Variants in LRGUK observed in about 807,000 individuals in gnomAD.
LRGUK encodes the protein leucine rich repeats and guanylate kinase domain containing.
A neutral mutation model predicts 76.0 loss-of-function variants in LRGUK; 65 were observed. That is an observed-to-expected ratio of 0.85 (90% confidence interval 0.70 to 1.05). The LOEUF (loss-of-function observed/expected upper bound fraction) is 1.05. Ranked by LOEUF, LRGUK falls within the 50% of genes least tolerant of loss-of-function variation. The pLI, the probability that LRGUK is intolerant of heterozygous loss-of-function variation, is 0.00. For missense variants in LRGUK, 758 were observed against 732.8 expected (o/e 1.03, Z -0.40); for synonymous variants, 268 against 265.6 (o/e 1.01, Z -0.09).
chr7:134,274,870 T>A, the LRGUK span, among the ~76,000 whole-genome samples: 12 of 152,164 alleles, frequency 7.9e-5, no homozygotes, highest in Non-Finnish European at 1.8e-4. Flanking sequence ...GGTCTCACTC[T>A]TGATCTTCTT....
At chr7:134,199,223 G>T (rs767937347) in exon 14 of LRGUK, 2 of 1,613,170 alleles carry the variant, frequency 1.2e-6, no homozygotes, top group Admixed American at 1.7e-5. Flanking sequence ...TGCACAGGGT[G>T]TAAGAAGTTT....
At chr7:134,237,079 G>A (rs1459851671) in intron 16 of LRGUK, among the ~76,000 whole-genome samples, 1 of 92,144 alleles carries the variant, frequency 1.1e-5, no homozygotes, top group South Asian at 3.6e-4. Context: ...TTTTGAGACT[G>A]TCTCTTACTC....
chr7:134,271,388 A>T, the LRGUK span, among the ~76,000 whole-genome samples: 30 of 151,938 alleles, frequency 2.0e-4, no homozygotes, highest in African/African-American at 7.0e-4. Flanking sequence ...TATTGTAATA[A>T]ACATAATCTC....
At chr7:134,210,479 AAG>A (rs1347242007), downstream of LRGUK, among the ~76,000 whole-genome samples, 1 of 152,184 alleles carries the variant, frequency 6.6e-6, no homozygotes, top group African/African-American at 2.4e-5. Flanking sequence ...GCCATCTTGT[AAG>A]AGAGAGATTT....
intron 1 of LRGUK, among the ~76,000 whole-genome samples, chr7:134,128,757 G>C (rs1797144459): frequency 6.6e-6 from 1 of 152,102 alleles, no homozygotes; most frequent in African/African-American, 2.4e-5. Context: ...CACCGTGTTA[G>C]TCAGGATGGT....
intron 6 of LRGUK, among the ~76,000 whole-genome samples, chr7:134,158,571 A>G (rs752332786): frequency 1.3e-5 from 2 of 152,202 alleles, no homozygotes; most frequent in Non-Finnish European, 2.9e-5. Context: ...ATGAACCACA[A>G]GATGTTTTCT....
At chr7:134,222,782 A>G (rs1240336028) in intron 16 of LRGUK, among the ~76,000 whole-genome samples, 1 of 151,554 alleles carries the variant, frequency 6.6e-6, no homozygotes, top group Non-Finnish European at 1.5e-5. Flanking sequence ...CTAATTTTGT[A>G]TTTTCAGTAG....
intron 11 of LRGUK, among the ~76,000 whole-genome samples, chr7:134,187,871 T>C (rs1800040745): frequency 6.6e-6 from 1 of 152,252 alleles, no homozygotes; most frequent in Non-Finnish European, 1.5e-5. Context: ...TATAGCCATC[T>C]CTATTTTCAT....
intron 1 of LRGUK, among the ~76,000 whole-genome samples, chr7:134,136,469 G>T (rs575155045): frequency 6.6e-6 from 1 of 152,204 alleles, no homozygotes; most frequent in African/African-American, 2.4e-5. Flanking sequence ...ATCCTTTGGG[G>T]TGTGGGCAAG....
At chr7:134,190,630 T>C (rs1800164861) in intron 11 of LRGUK, among the ~76,000 whole-genome samples, 1 of 152,242 alleles carries the variant, frequency 6.6e-6, no homozygotes, top group South Asian at 2.1e-4. Flanking sequence ...CATATTCTTG[T>C]AGGACCAACA....
Position 134,198,132 on chromosome 7 carries a change from C to T in LRGUK, c.1545+1027C>T, listed in dbSNP as rs571175204. Among the ~76,000 whole-genome samples, 10 of 152,222 alleles carry T rather than the reference C, an allele frequency of 6.6e-5. No homozygotes were observed. In the East Asian group the frequency reaches 7.7e-4, roughly 12 times the overall value. ...TCTTCCAGCTCTTTAACTTTCCTGA[C>T]GTAGAATATTTCCAATCTTACTTCT... On this transcript the variant is annotated intron_variant, in intron 13 of 15. Transcript: ENST00000645682.
intron 4 of LRGUK, among the ~76,000 whole-genome samples, chr7:134,144,749 C>T (rs2116853231): frequency 6.6e-6 from 1 of 152,238 alleles, no homozygotes; most frequent in East Asian, 1.9e-4. Flanking sequence ...AGTTTTATAT[C>T]ATTCCCTTAT....
chr7:134,243,262 C>T (rs1297438864), intron 16 of LRGUK, among the ~76,000 whole-genome samples: 1 of 152,100 alleles, frequency 6.6e-6, no homozygotes, highest in African/African-American at 2.4e-5. Flanking sequence ...GAAAGTCAAA[C>T]TGTCCCTGTT....
Position 134,186,052 on chromosome 7 carries a change from G to A in LRGUK, c.1334+2199G>A, listed in dbSNP as rs575748285. On this transcript the variant is annotated intron_variant, in intron 11 of 15. Coordinates refer to ENST00000645682, the Ensembl canonical transcript of LRGUK. ...AAAGGGTATATGCTGTTTTGCTAAT[G>A]CGTAAATTTGGAACTTTTTAGCAAA... Among the ~76,000 whole-genome samples the A allele has an allele frequency of 2.0e-5, 3 of 152,304 alleles. No homozygotes were observed. In the East Asian group the frequency reaches 5.8e-4, roughly 29 times the overall value.
At chr7:134,251,407 C>T (rs1340435545) in intron 18 of LRGUK, among the ~76,000 whole-genome samples, 1 of 152,192 alleles carries the variant, frequency 6.6e-6, no homozygotes, top group Non-Finnish European at 1.5e-5. Flanking sequence ...TTCTCCCTCA[C>T]AGACCCTGGA....
Position 134,143,314 on chromosome 7 carries a change from T to C in LRGUK, c.588+152T>C, listed in dbSNP as rs894282002. 6.8e-6 allele frequency: 4 copies of C among 587,284 alleles called. No homozygotes were observed. The African/African-American group carries it at 7.5e-5, about 11-fold the overall frequency. 36.4% of individuals were successfully genotyped at this position (587,284 alleles called of 1,614,324 possible). Reference sequence around the variant, plus strand: ...AAATGAAATAAAAAAGAAGGCTTTGTGTATACTTTATTTTGGAAAAGGGAG... The same window carrying C: ...AAATGAAATAAAAAAGAAGGCTTTGCGTATACTTTATTTTGGAAAAGGGAG... On this transcript the variant is annotated intron_variant, in intron 4 of 15. Transcript: ENST00000645682.
the LRGUK span, among the ~76,000 whole-genome samples, chr7:134,273,424 T>C: frequency 2.6e-5 from 4 of 152,122 alleles, no homozygotes; most frequent in East Asian, 1.9e-4. Flanking sequence ...TAACAGACTC[T>C]TTATAAGCTC....
intron 5 of LRGUK, among the ~76,000 whole-genome samples, chr7:134,157,446 C>T (rs989746234): frequency 1.3e-5 from 2 of 152,180 alleles, no homozygotes; most frequent in African/African-American, 4.8e-5. Context: ...AACACACTGC[C>T]AATGAGGCAG....
intron 5 of LRGUK, among the ~76,000 whole-genome samples, chr7:134,150,230 G>A (rs1489995008): frequency 6.6e-6 from 1 of 151,416 alleles, no homozygotes; most frequent in Non-Finnish European, 1.5e-5. Flanking sequence ...AGCCCAGATG[G>A]CGCCACTGCA....
Sources: gnomAD v4.1 joint callset for allele counts (sites outside exome capture counted in the v4.1 genomes callset) on GRCh38, gnomAD v4.1.1 for gene constraint, MANE v1.5 for transcripts, NCBI Gene and HGNC (gene_info 2026-07-23, HGNC 2026-07-21) for gene names.